The following GLIS3 variants were observed in gnomAD, a reference collection of about 807,000 sequenced individuals.
The protein encoded by GLIS3 is zinc finger protein GLIS3.
GLIS3 carries 53 observed loss-of-function variants against 78.6 expected under a neutral mutation model. The ratio of observed to expected loss-of-function variants is 0.67; its 90% CI spans 0.54 to 0.85. The LOEUF (loss-of-function observed/expected upper bound fraction) is 0.85, where lower values mean the gene tolerates loss of function less well. Ranked by LOEUF, GLIS3 falls within the 40% of genes least tolerant of loss-of-function variation. GLIS3 has a pLI of 0.00. For missense variants in GLIS3, 1,703 were observed against 1,231.1 expected (o/e 1.38, Z -5.74); for synonymous variants, 684 against 509.9 (o/e 1.34, Z -4.60).
At chr9:4,339,595 C>T (rs920019599) in intron 2 of GLIS3, among the ~76,000 whole-genome samples, 1 of 150,460 alleles carries the variant, frequency 6.6e-6, no homozygotes, top group Admixed American at 6.6e-5. Flanking sequence ...TTCTGTGATC[C>T]GTCTCTGTTG....
intron 4 of GLIS3, among the ~76,000 whole-genome samples, chr9:4,082,430 C>T (rs543067797): frequency 2.6e-5 from 4 of 152,196 alleles, no homozygotes; most frequent in Non-Finnish European, 5.9e-5. Flanking sequence ...AAGTCCTAAA[C>T]ATTACATCTT....
chr9:4,064,716 G>A (rs1326348275), intron 4 of GLIS3, among the ~76,000 whole-genome samples: 2 of 152,148 alleles, frequency 1.3e-5, no homozygotes, highest in African/African-American at 2.4e-5. Flanking sequence ...ATCACCTGAA[G>A]CTGGGAGGTG....
intron 4 of GLIS3, among the ~76,000 whole-genome samples, chr9:4,067,418 A>G (rs1291261792): frequency 2.0e-5 from 3 of 152,158 alleles, no homozygotes; most frequent in Non-Finnish European, 2.9e-5. Flanking sequence ...TTAATTTTGC[A>G]TAAGCAGAGA....
intron 2 of GLIS3, among the ~76,000 whole-genome samples, chr9:4,179,225 T>C (rs1030258145): frequency 6.6e-6 from 1 of 152,206 alleles, no homozygotes; most frequent in Non-Finnish European, 1.5e-5. Context: ...TTATTAGCAA[T>C]TTGAAAGCAC....
Position 3,827,758 on chromosome 9 carries a change from C to A in GLIS3, c.*514G>T. The A allele has an allele frequency of 6.0e-6, 1 of 167,094 alleles. No homozygotes were observed. Among genetic ancestry groups the A allele is most frequent in the South Asian group, 1.5e-4 (1 of 6,790 alleles). The allele number at this position is 167,094 out of a possible 1,614,324, so 10.4% of individuals were successfully genotyped here. A position where few individuals can be genotyped will look rare whatever the true frequency, so the allele number is the denominator to read the frequency against. On this transcript the variant is annotated 3_prime_UTR_variant, in exon 11 of 11. Coordinates refer to ENST00000381971, the MANE Select transcript of GLIS3 (RefSeq NM_001042413.2). ...CATGTGGCTAAGAGAAAAGGGAAAC[C>A]CAGGGAGTTTCTAAGAGTTGAGACC...
the GLIS3 span, among the ~76,000 whole-genome samples, chr9:4,360,349 T>C: frequency 6.6e-6 from 1 of 152,186 alleles, no homozygotes; most frequent in Non-Finnish European, 1.5e-5. Flanking sequence ...TCTCAGAGAC[T>C]GAAACCCTCC....
intron 2 of GLIS3, among the ~76,000 whole-genome samples, chr9:4,183,727 C>T (rs565673863): frequency 6.6e-5 from 10 of 152,206 alleles, no homozygotes; most frequent in Non-Finnish European, 1.3e-4. Context: ...TTACTTTCAA[C>T]TAGACTAGCT....
At chr9:4,212,495 C>G (rs1041718322) in intron 2 of GLIS3, among the ~76,000 whole-genome samples, 2 of 152,164 alleles carry the variant, frequency 1.3e-5, no homozygotes, top group Non-Finnish European at 2.9e-5. Context: ...GTTACAGACA[C>G]ATAAGCAGGC....
chr9:4,479,050 TA>T, the GLIS3 span, among the ~76,000 whole-genome samples: 16 of 152,218 alleles, frequency 1.1e-4, no homozygotes, highest in African/African-American at 3.9e-4. Context: ...CAAGTACCTT[TA>T]TTTTTTTAAA....
chr9:4,008,021 G>T (rs12683476), intron 4 of GLIS3, among the ~76,000 whole-genome samples: 12,948 of 151,978 alleles, frequency 0.085, 652 homozygotes, highest in South Asian at 0.14. Context: ...CACTCCCTCT[G>T]CACCTAAGCT....
At chr9:3,838,751 G>GA (rs1818525471) in intron 9 of GLIS3, among the ~76,000 whole-genome samples, 2 of 76,076 alleles carry the variant, frequency 2.6e-5, no homozygotes, top group Admixed American at 2.7e-4. Context: ...AAAGGAAAAG[G>GA]GACAGAGGAG....
chr9:4,342,274 G>C (rs1395934742), intron 2 of GLIS3, among the ~76,000 whole-genome samples: 1 of 152,156 alleles, frequency 6.6e-6, no homozygotes. Context: ...TGTGTATGAT[G>C]AAAGGAAGGG....
At chr9:3,956,574 C>T (rs116287068) in intron 4 of GLIS3, among the ~76,000 whole-genome samples, 79 of 152,354 alleles carry the variant, frequency 5.2e-4, no homozygotes, top group African/African-American at 1.9e-3. Flanking sequence ...ACTCAACACA[C>T]TGGATCTAAC....
At chr9:4,152,889 G>C (rs1834785485) in intron 2 of GLIS3, among the ~76,000 whole-genome samples, 1 of 152,158 alleles carries the variant, frequency 6.6e-6, no homozygotes, top group South Asian at 2.1e-4. Flanking sequence ...AATGTTTCTG[G>C]AGGAGAAAGC....
At chr9:3,883,873 A>G (rs916196602) in intron 7 of GLIS3, among the ~76,000 whole-genome samples, 9 of 152,204 alleles carry the variant, frequency 5.9e-5, no homozygotes, top group African/African-American at 2.2e-4. Context: ...AGGAAATAAA[A>G]TCCTGTTCTT....
intron 2 of GLIS3, among the ~76,000 whole-genome samples, chr9:4,176,867 G>A (rs1049003741): frequency 2.0e-5 from 3 of 152,188 alleles, no homozygotes; most frequent in South Asian, 2.1e-4. Context: ...CAGGTGATCC[G>A]CCCGCCTTGG....
chr9:4,420,115 T>C, the GLIS3 span, among the ~76,000 whole-genome samples: 1 of 152,144 alleles, frequency 6.6e-6, no homozygotes, highest in Non-Finnish European at 1.5e-5. Context: ...GGTCCAGGCA[T>C]GTGTGGTTCA....
chr9:4,073,766 A>G (rs1421908239), intron 4 of GLIS3, among the ~76,000 whole-genome samples: 1 of 152,160 alleles, frequency 6.6e-6, no homozygotes, highest in African/African-American at 2.4e-5. Flanking sequence ...TTCATCTCTC[A>G]TATGGGTATA....
At chr9:4,231,158 A>C (rs1822219583) in intron 2 of GLIS3, among the ~76,000 whole-genome samples, 1 of 152,234 alleles carries the variant, frequency 6.6e-6, no homozygotes, top group Non-Finnish European at 1.5e-5. Flanking sequence ...TAAATTTATG[A>C]AAATTAAAAA....
Sources: gnomAD v4.1 joint callset for allele counts (sites outside exome capture counted in the v4.1 genomes callset) on GRCh38, gnomAD v4.1.1 for gene constraint, MANE v1.5 for transcripts, NCBI Gene and HGNC (gene_info 2026-07-23, HGNC 2026-07-21) for gene names.